Variants in CRYBG3 observed in about 807,000 individuals in gnomAD.
CRYBG3 encodes the protein very large A-kinase anchor protein.
CRYBG3 carries 127 observed loss-of-function variants against 244.2 expected under a neutral mutation model. The observed-to-expected ratio is 0.52, with a 90% CI of 0.45 to 0.60. The LOEUF (loss-of-function observed/expected upper bound fraction) is 0.60, where lower values mean the gene tolerates loss of function less well. Among genes scored for constraint, CRYBG3 ranks in the 20% least tolerant of loss-of-function variants. CRYBG3 has a pLI of 0.00. For synonymous variants in CRYBG3, 1,132 were observed against 1,195.8 expected, an observed-to-expected ratio of 0.95 and a Z score of 1.10; for missense variants, 3,325 against 3,442.5, an observed-to-expected ratio of 0.97 and a Z score of 0.85.
In CRYBG3 at chr3:97,874,249, A is replaced by T. The variant is rs1342805167; in HGVS notation, c.3055A>T (p.Asn1019Tyr). Reference protein sequence around the residue: ...FLDSDSSLEKNSSASEDSSFL... With the variant: ...FLDSDSSLEKYSSASEDSSFL... ...GGATTCTGATTCCAGTTTGGAAAAA[A>T]ATTCTTCTGCATCTGAGGACTCAAG... Residue 1019 changes from asparagine to tyrosine, a missense_variant, in exon 4 of 22, where the codon AAT (asparagine) becomes TAT (tyrosine). Asn to Tyr is a moderately radical substitution (Grantham distance 143). This residue lies in a region of CRYBG3 where 1,526 missense variants were observed against 1,443.2 expected (regional missense o/e 1.06). Coordinates refer to ENST00000389622, the MANE Select transcript of CRYBG3 (RefSeq NM_153605.4). 5 of 1,535,134 alleles carry T rather than the reference A, an allele frequency of 3.3e-6. No homozygotes were observed. The highest frequency in any genetic ancestry group is 1.7e-4 in the Middle Eastern group (1 of 6,008).
chr3:97,878,105 C>G, intron 4 of CRYBG3, 68 bp downstream of exon 4: 4 of 1,379,536 alleles, frequency 2.9e-6, no homozygotes, highest in Non-Finnish European at 3.9e-6. Context: ...TATCTAAAGG[C>G]TTATTAAGAA....
intron 15 of CRYBG3, among the ~76,000 whole-genome samples, chr3:97,907,265 T>G (rs2039787793): frequency 6.6e-6 from 1 of 152,220 alleles, no homozygotes; most frequent in Admixed American, 6.5e-5. Flanking sequence ...CCTCATAAAA[T>G]GAGTTAGGGA....
intron 2 of CRYBG3, among the ~76,000 whole-genome samples, chr3:97,855,620 T>TAGA (rs1484066300): frequency 1.3e-5 from 2 of 152,158 alleles, no homozygotes; most frequent in Non-Finnish European, 2.9e-5. Flanking sequence ...CGTAGATTCT[T>TAGA]TTCTATTTTC....
chr3:97,879,390 G>C (rs1046636263), intron 4 of CRYBG3, among the ~76,000 whole-genome samples: 3 of 152,104 alleles, frequency 2.0e-5, no homozygotes, highest in Non-Finnish European at 4.4e-5. Flanking sequence ...CTCCATGCTG[G>C]TGCCATTTCC....
At chr3:97,897,477 C>T (rs1317289692) in intron 12 of CRYBG3, among the ~76,000 whole-genome samples, 1 of 151,662 alleles carries the variant, frequency 6.6e-6, no homozygotes, top group Non-Finnish European at 1.5e-5. Context: ...ATCATTGTTC[C>T]TTATTCTCAA....
At chr3:97,823,790 T>C (rs2038541899) in intron 1 of CRYBG3, among the ~76,000 whole-genome samples, 2 of 152,176 alleles carry the variant, frequency 1.3e-5, no homozygotes, top group South Asian at 2.1e-4. Flanking sequence ...GAGTCAGTGT[T>C]AGAAAGGAGT....
chr3:97,906,885 T>C (rs532384940), intron 15 of CRYBG3, among the ~76,000 whole-genome samples: 2,219 of 149,792 alleles, frequency 0.015, 43 homozygotes, highest in African/African-American at 0.051. Flanking sequence ...TGTGGGTTTG[T>C]CATAGATAGC....
Position 97,868,500 on chromosome 3 carries a change from ATTG to A in CRYBG3, c.648-3339_648-3337del, listed in dbSNP as rs1441448700. Among the ~76,000 whole-genome samples the A allele has an allele frequency of 2.0e-4, 30 of 152,136 alleles. 1 individual carries two copies. The highest frequency in any genetic ancestry group is 2.0e-3 in the Admixed American group (30 of 15,272). On this transcript the variant is annotated intron_variant, in intron 3 of 21. Transcript: ENST00000389622. ...TTTCCTATTCTTTAAATATAGTATA[ATTG>A]TTTAGTCTAAAGAATGTATGTTTTA...
intron 2 of CRYBG3, among the ~76,000 whole-genome samples, chr3:97,844,569 TC>T (rs1406326313): frequency 6.6e-6 from 1 of 152,166 alleles, no homozygotes; most frequent in Non-Finnish European, 1.5e-5. Context: ...CTTTCCTTGC[TC>T]CCTTTTCTTC....
At position 97,822,224 on chromosome 3, in the gene CRYBG3, A is replaced by G. The variant is rs1255444968; in HGVS notation, c.18A>G (p.Arg6=). 2.0e-6 allele frequency: 3 copies of G among 1,524,768 alleles called. No individual in the cohort carries two copies. Among genetic ancestry groups the G allele is most frequent in the Non-Finnish European group, 2.6e-6 (3 of 1,141,832 alleles). 94.5% of individuals were successfully genotyped at this position (1,524,768 alleles called of 1,614,324 possible). MSSGR[R]RGSAPWHSFS... is the part of the protein sequence containing the mutation. ...CTCGGGAAATGTCCAGCGGCCGCAG[A>G]AGGGGCAGCGCCCCCTGGCACAGCT... is the stretch of plus-strand genomic sequence containing the variant. The change falls in exon 1 of 22, where the codon AGA becomes AGG. Residue 6 remains arginine, a synonymous_variant. Transcript: ENST00000389622.
Position 97,859,478 on chromosome 3 carries a change from C to T in CRYBG3, c.217-4739C>T, listed in dbSNP as rs2039115051. Among the ~76,000 whole-genome samples the T allele has an allele frequency of 3.9e-5, 6 of 152,164 alleles. No individual in the cohort carries two copies. The South Asian group carries it at 1.2e-3, about 32-fold the overall frequency. On this transcript the variant is annotated intron_variant, in intron 2 of 21. Transcript: ENST00000389622. The stretch of plus-strand genomic sequence containing the variant: ...TTCAGACATCACTAGAATGTAGGTA[C>T]CATGAAAGCCAGGATTTTGGTACAT...
chr3:97,831,627 C>T (rs979482644), intron 1 of CRYBG3, among the ~76,000 whole-genome samples: 1 of 152,062 alleles, frequency 6.6e-6, no homozygotes, highest in African/African-American at 2.4e-5. Flanking sequence ...TATTTTGTTA[C>T]ATTCATGCAA....
At chr3:97,907,389 G>A (rs1195239235) in intron 15 of CRYBG3, among the ~76,000 whole-genome samples, 1 of 151,824 alleles carries the variant, frequency 6.6e-6, no homozygotes, top group Non-Finnish European at 1.5e-5. Context: ...ACTCTTTTTG[G>A]TTGGTAATCT....
intron 15 of CRYBG3, among the ~76,000 whole-genome samples, chr3:97,909,113 A>T (rs1301590606): frequency 4.6e-5 from 7 of 152,180 alleles, no homozygotes; most frequent in African/African-American, 1.7e-4. Flanking sequence ...CTGCCGAGAG[A>T]TCCTCTGTTA....
At chr3:97,886,596 G>A in intron 7 of CRYBG3, 35 bp from the exon 8 acceptor site, 2 of 1,572,540 alleles carry the variant, frequency 1.3e-6, no homozygotes. Context: ...TGTGACTCTA[G>A]TTGATTTCAA....
At chr3:97,825,976 A>C (rs2038571346) in intron 1 of CRYBG3, among the ~76,000 whole-genome samples, 1 of 152,212 alleles carries the variant, frequency 6.6e-6, no homozygotes, top group South Asian at 2.1e-4. Flanking sequence ...TGAAGCACTA[A>C]AAATAATTGG....
In CRYBG3 at chr3:97,926,134, C is replaced by T. The variant is rs550257169; in HGVS notation, c.8242-7560C>T. On this transcript the variant is annotated intron_variant, in intron 17 of 21. Transcript: ENST00000389622. ...CACATGGAGAAACAAAACTTCAGGC[C>T]CATATGCCTGATGAACAAAGATGCA... Among the ~76,000 whole-genome samples the T allele has an allele frequency of 4.6e-5, 7 of 152,094 alleles. No homozygotes were observed. The East Asian group carries it at 1.4e-3, about 30-fold the overall frequency.
At chr3:97,909,435 C>A (rs1291468178) in intron 15 of CRYBG3, among the ~76,000 whole-genome samples, 5 of 149,844 alleles carry the variant, frequency 3.3e-5, no homozygotes, top group East Asian at 2.0e-4. Flanking sequence ...TTCTTGGAGG[C>A]TTTGCTCATT....
Position 97,871,907 on chromosome 3 carries a change from T to C in CRYBG3, c.713T>C (p.Ile238Thr), listed in dbSNP as rs2039306886. 1.3e-6 allele frequency: 2 copies of C among 1,534,962 alleles called. No homozygotes were observed. Among genetic ancestry groups the C allele is most frequent in the Non-Finnish European group, 1.7e-6 (2 of 1,146,430 alleles). ...GCAACATATCGAGGCCCAAGACACA[T>C]TGGGAAATATTTAAAGCAACAGACA... ...TYATYRGPRH[I>T]GKYLKQQTGL... is the part of the protein sequence containing the mutation. The change falls in exon 4 of 22, where the codon ATT (isoleucine) becomes ACT (threonine). Residue 238 changes from isoleucine to threonine, a missense_variant. Ile to Thr is a moderately conservative substitution (Grantham distance 89). Transcript: ENST00000389622.
Sources: allele counts gnomAD v4.1 joint callset (sites outside exome capture counted in the v4.1 genomes callset), GRCh38; gene constraint gnomAD v4.1.1; regional missense constraint gnomAD v4.1.1; transcripts MANE v1.5; gene names NCBI Gene and HGNC (gene_info 2026-07-23, HGNC 2026-07-21).